The following ASAP1 variants were observed in gnomAD, a reference collection of about 807,000 sequenced individuals.
ASAP1 encodes arf-GAP with SH3 domain, ANK repeat and PH domain-containing protein 1.
Under a neutral mutation model 145.2 loss-of-function variants are expected in ASAP1, and 43 were observed. That is an observed-to-expected ratio of 0.30 (90% CI 0.23 to 0.38). ASAP1 has a LOEUF of 0.38. Ranked by LOEUF, ASAP1 falls within the 10% of genes least tolerant of loss-of-function variation. ASAP1 has a pLI of 1.00. For synonymous variants in ASAP1, 546 were observed against 515.5 expected, an observed-to-expected ratio of 1.06 and a Z score of -0.80; for missense variants, 1,018 against 1,355.3, an observed-to-expected ratio of 0.75 and a Z score of 3.91.
intron 27 of ASAP1, among the ~76,000 whole-genome samples, chr8:130,073,649 T>G (rs1368631074): frequency 6.6e-6 from 1 of 151,962 alleles, no homozygotes; most frequent in East Asian, 1.9e-4. Context: ...GGAGAAGCAG[T>G]GACTGTGCCA....
intron 3 of ASAP1, among the ~76,000 whole-genome samples, chr8:130,280,150 G>A (rs1821169120): frequency 6.6e-6 from 1 of 152,150 alleles, no homozygotes; most frequent in East Asian, 1.9e-4. Flanking sequence ...CACATCACAA[G>A]GCCAGTAAGT....
At chr8:130,299,469 A>C (rs990941561) in intron 3 of ASAP1, among the ~76,000 whole-genome samples, 6 of 152,202 alleles carry the variant, frequency 3.9e-5, no homozygotes, top group African/African-American at 1.4e-4. Flanking sequence ...TATGCCCAAC[A>C]CTATATGGCA....
intron 26 of ASAP1, among the ~76,000 whole-genome samples, chr8:130,076,646 G>A (rs2097463034): frequency 6.6e-6 from 1 of 151,940 alleles, no homozygotes; most frequent in Non-Finnish European, 1.5e-5. Flanking sequence ...TCAGCCTCCT[G>A]AGTAGCTGGG....
chr8:130,093,052 C>T (rs1205918081), intron 24 of ASAP1, among the ~76,000 whole-genome samples: 4 of 151,698 alleles, frequency 2.6e-5, no homozygotes, highest in Non-Finnish European at 5.9e-5. Flanking sequence ...GAAACCAAAC[C>T]ATCTGTTATA....
intron 3 of ASAP1, among the ~76,000 whole-genome samples, chr8:130,308,855 A>G (rs1360623937): frequency 6.6e-6 from 1 of 152,184 alleles, no homozygotes; most frequent in Non-Finnish European, 1.5e-5. Context: ...CAGCCTGGCC[A>G]ACATGGTAAA....
chr8:130,339,561 T>C (rs886077848), intron 3 of ASAP1, among the ~76,000 whole-genome samples: 1 of 152,180 alleles, frequency 6.6e-6, no homozygotes, highest in Non-Finnish European at 1.5e-5. Flanking sequence ...TCTATCTGCT[T>C]GGTTTGTAGA....
intron 3 of ASAP1, among the ~76,000 whole-genome samples, chr8:130,284,784 C>G (rs374713415): frequency 1.8e-4 from 28 of 151,692 alleles, no homozygotes; most frequent in African/African-American, 6.5e-4. Flanking sequence ...TTCCCTCCCC[C>G]CATAAGAATA....
Position 130,188,723 on chromosome 8 carries a change from C to CAAAAAAAAA in ASAP1, c.406-549_406-541dup, listed in dbSNP as rs370580190. Among the ~76,000 whole-genome samples the CAAAAAAAAA allele has an allele frequency of 1.8e-3, 150 of 83,794 alleles. 4 individuals carry two copies. Among genetic ancestry groups the CAAAAAAAAA allele is most frequent in the African/African-American group, 2.1e-3 (44 of 21,282 alleles). The allele number at this position is 83,794 out of a possible 152,430, so 55.0% of individuals were successfully genotyped here. ...TTCCAGCCTGAGTGAGAGACTCTCT[C>CAAAAAAAAA]AAAAAAAAAAAAAAAAAAAAAAGAA... is the stretch of plus-strand genomic sequence containing the variant. On this transcript the variant is annotated intron_variant, in intron 5 of 29. Transcript: ENST00000518721.
intron 1 of ASAP1, among the ~76,000 whole-genome samples, chr8:130,416,335 A>G (rs894542791): frequency 6.6e-6 from 1 of 152,234 alleles, no homozygotes; most frequent in Non-Finnish European, 1.5e-5. Flanking sequence ...GGGAAACAAG[A>G]CGCCGCAGCT....
At chr8:130,132,429 ATCC>A (rs1218839522) in intron 15 of ASAP1, among the ~76,000 whole-genome samples, 1 of 151,968 alleles carries the variant, frequency 6.6e-6, no homozygotes, top group East Asian at 1.9e-4. Flanking sequence ...TTCCTATTCC[ATCC>A]TCCTGTTTCT....
intron 7 of ASAP1, among the ~76,000 whole-genome samples, chr8:130,186,468 C>T (rs1814738427): frequency 1.3e-5 from 2 of 152,054 alleles, no homozygotes; most frequent in Admixed American, 6.6e-5. Context: ...TACATATCTC[C>T]TCCCACCCCA....
At chr8:130,138,466 G>A (rs2097600633) in intron 13 of ASAP1, among the ~76,000 whole-genome samples, 1 of 152,168 alleles carries the variant, frequency 6.6e-6, no homozygotes, top group Non-Finnish European at 1.5e-5. Context: ...TGCTTGGGAA[G>A]ATTCCTGTAC....
At chr8:130,402,019 T>C in intron 1 of ASAP1, 49 bp from the exon 2 acceptor site, 2 of 1,266,174 alleles carry the variant, frequency 1.6e-6, no homozygotes, top group Non-Finnish European at 1.1e-6. Flanking sequence ...CCGGTGAAAC[T>C]GGGCAGAAGA....
intron 27 of ASAP1, among the ~76,000 whole-genome samples, chr8:130,064,800 G>A (rs2097426894): frequency 6.6e-6 from 1 of 152,064 alleles, no homozygotes; most frequent in Admixed American, 6.5e-5. Context: ...CTTCAACTGG[G>A]GTTCCAACAA....
chr8:130,059,825 C>T lies in ASAP1; in HGVS notation c.3192+754G>A, dbSNP rs553325422. Among the ~76,000 whole-genome samples, 263 of 152,146 alleles carry T rather than the reference C, an allele frequency of 1.7e-3. 1 individual carries two copies. The highest frequency in any genetic ancestry group is 6.1e-3 in the African/African-American group (254 of 41,502). On this transcript the variant is annotated intron_variant, in intron 28 of 29. Transcript: ENST00000518721. ...AGGTGCAGTGGCTCACGCCTGTAAT[C>T]CCAGCACTTTGAGAGGCCAAGATGG... is the stretch of plus-strand genomic sequence containing the variant.
At position 130,356,262 on chromosome 8, in the gene ASAP1, T is replaced by C. The variant is rs150962712; in HGVS notation, c.186+1755A>G. Among the ~76,000 whole-genome samples the C allele has an allele frequency of 2.2e-3, 334 of 152,256 alleles. 2 individuals carry two copies. Among genetic ancestry groups the C allele is most frequent in the African/African-American group, 7.5e-3 (311 of 41,516 alleles). ...TCACAAACAGAATACAGCAACACTA[T>C]CTAAATGTGCAGGAAGAGAACGTTA... On this transcript the variant is annotated intron_variant, in intron 3 of 29. Transcript: ENST00000518721.
At chr8:130,209,215 CA>C (rs1356603574) in intron 5 of ASAP1, among the ~76,000 whole-genome samples, 1 of 152,074 alleles carries the variant, frequency 6.6e-6, no homozygotes. Flanking sequence ...ATAAAGTATG[CA>C]GAAAAAGTAC....
chr8:130,379,584 A>T (rs1827670101), intron 2 of ASAP1, among the ~76,000 whole-genome samples: 1 of 152,218 alleles, frequency 6.6e-6, no homozygotes, highest in Non-Finnish European at 1.5e-5. Flanking sequence ...GTCAGAATTA[A>T]ATTCAGTTGT....
intron 28 of ASAP1, among the ~76,000 whole-genome samples, chr8:130,060,093 A>G (rs1472448890): frequency 7.2e-6 from 1 of 138,328 alleles, no homozygotes; most frequent in East Asian, 2.0e-4. Context: ...AAAAAAAAAA[A>G]AAAAAAAAAA....
Sources: allele counts gnomAD v4.1 joint callset (sites outside exome capture counted in the v4.1 genomes callset), GRCh38; gene constraint gnomAD v4.1.1; transcripts MANE v1.5; gene names NCBI Gene and HGNC (gene_info 2026-07-23, HGNC 2026-07-21).